MAK16: variants seen among roughly 807,000 people sequenced by gnomAD.
The protein encoded by MAK16 is protein MAK16 homolog.
A neutral mutation model predicts 49.9 loss-of-function variants in MAK16; 12 were observed. The observed-to-expected ratio is 0.24, with a 90% confidence interval of 0.15 to 0.39. The LOEUF is 0.39. Among genes scored for constraint, MAK16 ranks in the 10% least tolerant of loss-of-function variants. The probability of loss-of-function intolerance (pLI) is 1.00; values close to 1 mark genes in which losing one functional copy is unlikely to be tolerated. For synonymous variants in MAK16, 115 were observed against 126.4 expected, an observed-to-expected ratio of 0.91 and a Z score of 0.60; for missense variants, 292 against 363.7, an observed-to-expected ratio of 0.80 and a Z score of 1.60.
rs1355612872 is a variant in MAK16 at position 33,501,071 on chromosome 8, C to T, written c.*2442C>T. ...GGTAAAGCTCCAGAAATGGACAATG[C>T]TAGTGACTGCACAATATTGTGACTG... On this transcript the variant is annotated 3_prime_UTR_variant, in exon 10 of 10. Coordinates refer to ENST00000360128, the MANE Select transcript of MAK16 (RefSeq NM_032509.4). 2 of 153,934 alleles carry T rather than the reference C, an allele frequency of 1.3e-5. No individual in the cohort carries two copies. Among genetic ancestry groups the T allele is most frequent in the Admixed American group, 1.3e-4 (2 of 15,570 alleles). The allele number at this position is 153,934 out of a possible 1,614,324, so 9.5% of individuals were successfully genotyped here. A position where few individuals can be genotyped will look rare whatever the true frequency, so the allele number is the denominator to read the frequency against.
rs1311009155 is a variant in MAK16 at position 33,498,792 on chromosome 8, T to G, written c.*163T>G. 1 of 661,086 alleles carries G rather than the reference T, an allele frequency of 1.5e-6. No individual in the cohort carries two copies. The highest frequency in any genetic ancestry group is 2.6e-6 in the Non-Finnish European group (1 of 389,360). 41.0% of individuals were successfully genotyped at this position (661,086 alleles called of 1,614,324 possible). A position where few individuals can be genotyped will look rare whatever the true frequency, so the allele number is the denominator to read the frequency against. Reference sequence around the variant, plus strand: ...TGCCACGTCAGTGGGGCAAGAAATCTGGAGTGAGTGAAGAAAGCTAAGTTG... The same window carrying G: ...TGCCACGTCAGTGGGGCAAGAAATCGGGAGTGAGTGAAGAAAGCTAAGTTG... On this transcript the variant is annotated 3_prime_UTR_variant, in exon 10 of 10. Coordinates refer to ENST00000360128, the MANE Select transcript of MAK16 (RefSeq NM_032509.4).
In MAK16 at chr8:33,496,706, A is replaced by C. The variant is rs754561581; in HGVS notation, c.604A>C (p.Thr202Pro). Residue 202 changes from threonine (T) to proline (P), a missense_variant, in exon 8 of 10, where the codon ACT (threonine) becomes CCT (proline). Transcript: ENST00000360128. The stretch of plus-strand genomic sequence containing the variant: ...GGAGGCAGAGAGTGACTCTTCAGAT[A>C]CTGAGGAAAAAGATGATGATGATGA... The part of the protein sequence containing the change: ...QQEAESDSSD[T>P]EEKDDDDDDE... 1.9e-6 allele frequency: 3 copies of C among 1,612,678 alleles called. No homozygotes were observed. The Admixed American group carries it at 5.0e-5, about 27-fold the overall frequency.
At chr8:33,490,181 A>G in intron 5 of MAK16, 104 bp from the exon 6 acceptor site, 1 of 882,014 alleles carries the variant, frequency 1.1e-6, no homozygotes, top group South Asian at 1.6e-5. Context: ...GCACATGAGT[A>G]GACTTCCATT....
chr8:33,490,205 C>T (rs1808755243), intron 5 of MAK16, 80 bp from the exon 6 acceptor site: 2 of 1,218,056 alleles, frequency 1.6e-6, no homozygotes, highest in South Asian at 1.3e-5. Context: ...GTCACCAATT[C>T]CAATCCTTTT....
chr8:33,490,248 T>A, intron 5 of MAK16, 37 bp from the exon 6 acceptor site: 1 of 1,552,030 alleles, frequency 6.4e-7, no homozygotes, highest in Non-Finnish European at 8.9e-7. Context: ...ACACAGCACA[T>A]GACAGTGGAT....
chr8:33,500,117 C>G lies in MAK16; in HGVS notation c.*1488C>G. 1.8e-6 allele frequency: 1 copy of G among 542,814 alleles called. No individual in the cohort carries two copies. Among genetic ancestry groups the G allele is most frequent in the Non-Finnish European group, 3.3e-6 (1 of 306,810 alleles). 33.6% of individuals were successfully genotyped at this position (542,814 alleles called of 1,614,324 possible). A position where few individuals can be genotyped will look rare whatever the true frequency, so the allele number is the denominator to read the frequency against. The stretch of plus-strand genomic sequence containing the variant: ...CAGTGACATGTGCTGATCCTCCTGC[C>G]TTTAGTTCTAAATGGTTCTGAATAG... On this transcript the variant is annotated 3_prime_UTR_variant, in exon 10 of 10. Transcript: ENST00000360128.
intron 4 of MAK16, 21 bp from the exon 5 acceptor site, chr8:33,488,967 C>T (rs1377585221): frequency 1.2e-5 from 20 of 1,614,002 alleles, no homozygotes; most frequent in Non-Finnish European, 1.7e-5. Flanking sequence ...GCCCTTCAAA[C>T]TTCCTGTTTC....
At chr8:33,488,679 G>T (rs552380282) in intron 3 of MAK16, 50 bp downstream of exon 3, 24 of 1,611,502 alleles carry the variant, frequency 1.5e-5, no homozygotes, top group Middle Eastern at 1.6e-4. Flanking sequence ...AGCTTTTACA[G>T]GGATGTTCTT....
At position 33,489,200 on chromosome 8, in the gene MAK16, T is replaced by A. The variant is rs1043047690; in HGVS notation, c.392+61T>A. 1 of 1,497,690 alleles carries A rather than the reference T, an allele frequency of 6.7e-7. No homozygotes were observed. The highest frequency in any genetic ancestry group is 1.4e-5 in the African/African-American group (1 of 71,450). 92.8% of individuals were successfully genotyped at this position (1,497,690 alleles called of 1,614,324 possible). On this transcript the variant is annotated intron_variant, in intron 5 of 9. Coordinates refer to ENST00000360128, the MANE Select transcript of MAK16 (RefSeq NM_032509.4). The surrounding 1 kb of genome is among the most constrained non-coding windows in gnomAD (Gnocchi z 4.2). ...TCTTTTTATGGAGCTTGTTTTGAAG[T>A]TGAGAAATTGTGAAACTTCGGGGCT... is the stretch of plus-strand genomic sequence containing the variant.
In MAK16 at chr8:33,501,248, A is replaced by G. The variant is rs959281558; in HGVS notation, c.*2619A>G. The G allele has an allele frequency of 4.6e-5, 7 of 152,240 alleles. No individual in the cohort carries two copies. The highest frequency in any genetic ancestry group is 1.7e-4 in the African/African-American group (7 of 41,472). The allele number at this position is 152,240 out of a possible 1,614,324, so 9.4% of individuals were successfully genotyped here. On this transcript the variant is annotated 3_prime_UTR_variant, in exon 10 of 10. Transcript: ENST00000360128. ...TACAATGTGAAATGTACAATAAATC[A>G]TATTTATGGACAGATGCGTGACTGG...
At position 33,498,897 on chromosome 8, in the gene MAK16, T is replaced by G. The variant is rs973107790; in HGVS notation, c.*268T>G. 1.0e-5 allele frequency: 6 copies of G among 579,054 alleles called. No individual in the cohort carries two copies. Among genetic ancestry groups the G allele is most frequent in the Non-Finnish European group, 1.8e-5 (6 of 329,212 alleles). The allele number at this position is 579,054 out of a possible 1,614,324, so 35.9% of individuals were successfully genotyped here. ...AACTTAACAGATGAGTTCTTGAATC[T>G]GGGATGAGATGACGGATGTAAATAT... is the stretch of plus-strand genomic sequence containing the variant. On this transcript the variant is annotated 3_prime_UTR_variant, in exon 10 of 10. Coordinates refer to ENST00000360128, the MANE Select transcript of MAK16 (RefSeq NM_032509.4).
chr8:33,488,155 T>G (rs1282944443), intron 1 of MAK16, among the ~76,000 whole-genome samples: 1 of 152,128 alleles, frequency 6.6e-6, no homozygotes, highest in Non-Finnish European at 1.5e-5. Context: ...CTCAAACTCC[T>G]CACCTCAGGT....
At chr8:33,496,844 C>CT (rs1266135402) in intron 8 of MAK16, 103 bp downstream of exon 8, 27 of 860,456 alleles carry the variant, frequency 3.1e-5, no homozygotes, top group Non-Finnish European at 4.2e-5. Flanking sequence ...GATATGTCTT[C>CT]TTTTTTCTTT....
intron 1 of MAK16, among the ~76,000 whole-genome samples, chr8:33,487,619 C>T (rs550184563): frequency 1.3e-5 from 2 of 152,150 alleles, no homozygotes; most frequent in South Asian, 4.2e-4. Context: ...GATGGGGTTT[C>T]ACCATGTTGG....
In MAK16 at chr8:33,500,101, G is replaced by C. The variant is rs1809011070; in HGVS notation, c.*1472G>C. 2.0e-6 allele frequency: 1 copy of C among 505,284 alleles called. No individual in the cohort carries two copies. 31.3% of individuals were successfully genotyped at this position (505,284 alleles called of 1,614,324 possible). On this transcript the variant is annotated 3_prime_UTR_variant, in exon 10 of 10. Transcript: ENST00000360128. ...GTCTCGTCCTTAGCCCCAGTGACATGTGCTGATCCTCCTGCCTTTAGTTCT... is the reference window on the plus strand; with the variant it reads ...GTCTCGTCCTTAGCCCCAGTGACATCTGCTGATCCTCCTGCCTTTAGTTCT...
At chr8:33,486,153 T>C (rs1808683737) in intron 1 of MAK16, among the ~76,000 whole-genome samples, 1 of 152,180 alleles carries the variant, frequency 6.6e-6, no homozygotes, top group South Asian at 2.1e-4. Context: ...TTGTAGGAAG[T>C]GTTTTTTAGG....
chr8:33,490,037 AT>A (rs1808752444), intron 5 of MAK16, among the ~76,000 whole-genome samples: 1 of 152,204 alleles, frequency 6.6e-6, no homozygotes, highest in South Asian at 2.1e-4. Context: ...ATGACTTTTT[AT>A]AGTATTAAAT....
rs779723538 is a variant in MAK16, at chr8:33,488,392, A to C, written c.30A>C (p.Thr10=). Reference sequence around the variant, plus strand: ...TTGTCTTGCAGGTTATCTGGGATACACTAGGAAACAAGCAATTTTGTTCCT... The same window carrying C: ...TTGTCTTGCAGGTTATCTGGGATACCCTAGGAAACAAGCAATTTTGTTCCT... MQSDDVIWD[T]LGNKQFCSFK... is the part of the protein sequence containing the mutation. The change falls in exon 2 of 10, where the codon ACA becomes ACC. Residue 10 remains threonine, a synonymous_variant. Transcript: ENST00000360128. 6.2e-6 allele frequency: 10 copies of C among 1,614,088 alleles called. No homozygotes were observed. The highest frequency in any genetic ancestry group is 8.5e-6 in the Non-Finnish European group (10 of 1,180,028).
At chr8:33,487,950 C>T (rs1026615015) in intron 1 of MAK16, among the ~76,000 whole-genome samples, 3 of 151,480 alleles carry the variant, frequency 2.0e-5, no homozygotes, top group Non-Finnish European at 2.9e-5. Context: ...TGTTTTGAGA[C>T]GGAGTTTCAC....
Sources: gnomAD v4.1 joint callset for allele counts (sites outside exome capture counted in the v4.1 genomes callset) on GRCh38, gnomAD v4.1.1 for gene constraint, Gnocchi (gnomAD v3.1) non-coding constraint, MANE v1.5 for transcripts, NCBI Gene and HGNC (gene_info 2026-07-23, HGNC 2026-07-21) for gene names.